SORBS2: variants seen among roughly 807,000 people sequenced by gnomAD.
SORBS2 encodes the protein sorbin and SH3 domain-containing protein 2.
Under a neutral mutation model 97.7 loss-of-function variants are expected in SORBS2, and 46 were observed. The ratio of observed to expected loss-of-function variants is 0.47; its 90% CI spans 0.37 to 0.60. SORBS2 has a LOEUF of 0.60. Among genes scored for constraint, SORBS2 ranks in the 20% least tolerant of loss-of-function variants. The pLI is 0.00. For synonymous variants in SORBS2, 476 were observed against 473.4 expected (o/e 1.01, Z -0.07); for missense variants, 1,316 against 1,282.3 (o/e 1.03, Z -0.40).
At chr4:185,898,100 A>G (rs974299527) in intron 1 of SORBS2, among the ~76,000 whole-genome samples, 5 of 152,258 alleles carry the variant, frequency 3.3e-5, no homozygotes, top group Non-Finnish European at 7.3e-5. Flanking sequence ...CCATCTAAGC[A>G]AAGTGACTAT....
intron 1 of SORBS2, among the ~76,000 whole-genome samples, chr4:185,939,785 C>G (rs949977589): frequency 2.6e-5 from 4 of 152,174 alleles, no homozygotes; most frequent in African/African-American, 7.2e-5. Flanking sequence ...GCTGGGATTA[C>G]AGGCATGAGC....
chr4:185,702,655 A>G (rs1277445976), intron 2 of SORBS2, among the ~76,000 whole-genome samples: 2 of 133,032 alleles, frequency 1.5e-5, no homozygotes, highest in East Asian at 4.4e-4. Flanking sequence ...TTAATGTTAC[A>G]TGACTTTTTT....
At chr4:185,638,919 G>A (rs2097077409) in intron 4 of SORBS2, 1 of 1,503,440 alleles carries the variant, frequency 6.7e-7, no homozygotes. Flanking sequence ...TTGGTGTGGG[G>A]GCGCCACTCC....
chr4:185,817,538 C>T (rs2099193979), intron 1 of SORBS2, among the ~76,000 whole-genome samples: 3 of 152,174 alleles, frequency 2.0e-5, no homozygotes, highest in Non-Finnish European at 4.4e-5. Context: ...ATGACCTTTC[C>T]CACTTAGCAT....
intron 2 of SORBS2, among the ~76,000 whole-genome samples, chr4:185,729,769 C>T (rs2098599314): frequency 6.6e-6 from 1 of 152,056 alleles, no homozygotes; most frequent in South Asian, 2.1e-4. Context: ...GAAAAGAAAA[C>T]ATTTCTTGTA....
intron 12 of SORBS2, among the ~76,000 whole-genome samples, chr4:185,597,414 C>G (rs903600020): frequency 6.6e-6 from 1 of 151,956 alleles, no homozygotes; most frequent in Non-Finnish European, 1.5e-5. Context: ...TCTCATGTGT[C>G]TCGGTCACGT....
At chr4:185,761,444 C>T (rs1419520479) in intron 2 of SORBS2, 1 of 152,170 alleles carries the variant, frequency 6.6e-6, no homozygotes, top group African/African-American at 2.4e-5. Flanking sequence ...ATATTTTTCC[C>T]AAGGCACAAA....
Position 185,623,643 on chromosome 4 carries a change from G to A in SORBS2, c.1486C>T (p.His496Tyr), listed in dbSNP as rs757932163. 1.2e-6 allele frequency: 2 copies of A among 1,614,114 alleles called. No individual in the cohort carries two copies. The highest frequency in any genetic ancestry group is 1.7e-5 in the Admixed American group (1 of 60,038). Residue 496 changes from histidine (H) to tyrosine (Y), a missense_variant, in exon 7 of 15, where the codon CAC becomes TAC. By Grantham distance (83) the His-to-Tyr change is moderately conservative. Transcript: ENST00000418609. This position sits in a 1 kb window ranked among gnomAD's most constrained non-coding sequence, Gnocchi z 6.4. ...TGGTCGCTGTCGGAAAACTCCACGT[G>A]TGCTCGGGGCTGCTCATCGCTGGTG...
chr4:185,760,618 C>T (rs372307200), intron 2 of SORBS2, among the ~76,000 whole-genome samples: 3 of 152,044 alleles, frequency 2.0e-5, no homozygotes, highest in Admixed American at 6.5e-5. Flanking sequence ...CTGCATAATG[C>T]GTCTACACAG....
At chr4:185,730,961 G>C (rs749959141) in intron 2 of SORBS2, among the ~76,000 whole-genome samples, 3 of 152,130 alleles carry the variant, frequency 2.0e-5, no homozygotes, top group Non-Finnish European at 4.4e-5. Flanking sequence ...GTATCTATTT[G>C]AGCATTTTCC....
At chr4:185,675,896 A>G (rs1392474099) in intron 4 of SORBS2, among the ~76,000 whole-genome samples, 1 of 152,146 alleles carries the variant, frequency 6.6e-6, no homozygotes, top group Non-Finnish European at 1.5e-5. Flanking sequence ...ATTTCTGTTT[A>G]AGGCTCGTCT....
intron 1 of SORBS2, among the ~76,000 whole-genome samples, chr4:185,899,405 C>A (rs2099246485): frequency 6.7e-6 from 1 of 150,196 alleles, no homozygotes; most frequent in African/African-American, 2.5e-5. Flanking sequence ...TCTCGAAAAT[C>A]TTTTTCATTT....
chr4:185,946,114 G>A (rs764798386), intron 1 of SORBS2, among the ~76,000 whole-genome samples: 84 of 134,284 alleles, frequency 6.3e-4, no homozygotes, highest in Non-Finnish European at 7.6e-4. Flanking sequence ...GTGATGATTG[G>A]GTTTCTATGC....
intron 1 of SORBS2, among the ~76,000 whole-genome samples, chr4:185,823,094 T>C (rs1166635059): frequency 6.6e-6 from 1 of 152,206 alleles, no homozygotes; most frequent in Non-Finnish European, 1.5e-5. Context: ...GAGGAATACG[T>C]ACTGACTCTT....
chr4:185,885,212 T>A (rs1213532294), intron 1 of SORBS2, among the ~76,000 whole-genome samples: 1 of 152,188 alleles, frequency 6.6e-6, no homozygotes, highest in Non-Finnish European at 1.5e-5. Flanking sequence ...TGATGGCTCG[T>A]TGGGGATGGG....
intron 1 of SORBS2, among the ~76,000 whole-genome samples, chr4:185,801,629 A>C (rs1261957677): frequency 1.3e-5 from 2 of 151,770 alleles, no homozygotes; most frequent in Admixed American, 6.6e-5. Flanking sequence ...TTGGAAAACT[A>C]TCTATGCTGG....
At chr4:185,795,489 G>C (rs978984542) in intron 1 of SORBS2, among the ~76,000 whole-genome samples, 15 of 152,038 alleles carry the variant, frequency 9.9e-5, no homozygotes, top group African/African-American at 3.6e-4. Flanking sequence ...TGGCAACCAC[G>C]GGCTACATGT....
intron 1 of SORBS2, among the ~76,000 whole-genome samples, chr4:185,875,234 A>G (rs1165227226): frequency 6.6e-6 from 1 of 152,216 alleles, no homozygotes; most frequent in Non-Finnish European, 1.5e-5. Flanking sequence ...CAAATTGCAA[A>G]CAGAGTACAT....
At chr4:185,701,837 C>T (rs2098267649) in intron 2 of SORBS2, among the ~76,000 whole-genome samples, 1 of 150,714 alleles carries the variant, frequency 6.6e-6, no homozygotes, top group African/African-American at 2.4e-5. Context: ...GTGGCGTGAT[C>T]TCAGCTCACT....
Sources: allele counts gnomAD v4.1 joint callset (sites outside exome capture counted in the v4.1 genomes callset), GRCh38; gene constraint gnomAD v4.1.1; non-coding constraint Gnocchi (gnomAD v3.1); transcripts MANE v1.5; gene names NCBI Gene and HGNC (gene_info 2026-07-23, HGNC 2026-07-21).